Variants in HRH1 observed in about 807,000 individuals in gnomAD.
HRH1 encodes histamine H1 receptor.
Under a neutral mutation model 10.3 loss-of-function variants are expected in HRH1, and 6 were observed. The ratio of observed to expected loss-of-function variants is 0.58; its 90% CI spans 0.32 to 1.15. The LOEUF is 1.15. Among genes scored for constraint, HRH1 ranks in the 50% most tolerant of loss-of-function variants. The pLI, the probability that HRH1 is intolerant of heterozygous loss-of-function variation, is 0.05. For synonymous variants in HRH1, 242 were observed against 236.7 expected, an observed-to-expected ratio of 1.02 and a Z score of -0.21; for missense variants, 514 against 615.3, an observed-to-expected ratio of 0.84 and a Z score of 1.74.
chr3:11,144,479 A>ATACCTATAGACGTATAGACATACATC (rs747602747), intron 1 of HRH1, among the ~76,000 whole-genome samples: 1 of 143,206 alleles, frequency 7.0e-6, no homozygotes, highest in Non-Finnish European at 1.6e-5. Context: ...ATAGACATAT[A>ATACCTATAGACGTATAGACATACATC]TATACACACA....
At chr3:11,211,226 C>T (rs1938318123) in intron 1 of HRH1, among the ~76,000 whole-genome samples, 1 of 152,120 alleles carries the variant, frequency 6.6e-6, no homozygotes, top group Non-Finnish European at 1.5e-5. Context: ...GAGCAGAGAT[C>T]TCAACAAAGT....
At chr3:11,189,007 A>T (rs1937498045) in intron 1 of HRH1, among the ~76,000 whole-genome samples, 1 of 152,230 alleles carries the variant, frequency 6.6e-6, no homozygotes, top group Non-Finnish European at 1.5e-5. Flanking sequence ...AATAATGCAT[A>T]CCTAACTTTG....
At chr3:11,146,013 G>A (rs1231967617) in intron 1 of HRH1, among the ~76,000 whole-genome samples, 1 of 152,218 alleles carries the variant, frequency 6.6e-6, no homozygotes, top group Non-Finnish European at 1.5e-5. Flanking sequence ...CAACAATGCT[G>A]TTCTGATTTA....
At position 11,138,165 on chromosome 3, in the gene HRH1, G is replaced by A. The variant is rs181295169; in HGVS notation, c.-36+766G>A. On this transcript the variant is annotated intron_variant, in intron 1 of 1. Coordinates refer to the HRH1 transcript ENST00000438284. The stretch of plus-strand genomic sequence containing the variant: ...CAAGTAGCTGGGACTACAGGCGCCC[G>A]CACCACGTTTGGCTATTTTTTTTTT... Among the ~76,000 whole-genome samples the A allele has an allele frequency of 4.4e-3, 638 of 146,494 alleles. 3 individuals are homozygous for A. The highest frequency in any genetic ancestry group is 6.1e-3 in the Non-Finnish European group (409 of 67,232).
intron 1 of HRH1, among the ~76,000 whole-genome samples, chr3:11,251,647 T>A (rs1435219931): frequency 6.6e-6 from 1 of 152,192 alleles, no homozygotes; most frequent in Admixed American, 6.5e-5. Flanking sequence ...CATGGGTTTT[T>A]TTCTGCGTTT....
chr3:11,234,696 C>T (rs1939130164), intron 1 of HRH1: 1 of 1,072,902 alleles, frequency 9.3e-7, no homozygotes, highest in Non-Finnish European at 1.4e-6. Context: ...CAGCCCTGCC[C>T]TGAGACCTTG....
At chr3:11,253,888 A>G (rs1171017922) in intron 1 of HRH1, among the ~76,000 whole-genome samples, 1 of 152,182 alleles carries the variant, frequency 6.6e-6, no homozygotes, top group Non-Finnish European at 1.5e-5. Context: ...CTGCCACTCC[A>G]TAAGGGTCAT....
intron 1 of HRH1, among the ~76,000 whole-genome samples, chr3:11,236,349 A>C (rs1939180547): frequency 6.6e-6 from 1 of 152,222 alleles, no homozygotes; most frequent in African/African-American, 2.4e-5. Flanking sequence ...GAATCACTTG[A>C]ACCAAGGAGG....
intron 1 of HRH1, among the ~76,000 whole-genome samples, chr3:11,218,750 A>G (rs1017281895): frequency 6.6e-6 from 1 of 151,598 alleles, no homozygotes; most frequent in Admixed American, 6.6e-5. Flanking sequence ...AATTTTTTGT[A>G]TTTTTCATAG....
At chr3:11,249,973 A>G (rs1256344147) in intron 1 of HRH1, among the ~76,000 whole-genome samples, 1 of 152,002 alleles carries the variant, frequency 6.6e-6, no homozygotes, top group African/African-American at 2.4e-5. Context: ...AACATTAATA[A>G]TAAGATGTGG....
intron 1 of HRH1, among the ~76,000 whole-genome samples, chr3:11,251,762 A>G (rs1939659141): frequency 6.6e-6 from 1 of 152,242 alleles, no homozygotes; most frequent in African/African-American, 2.4e-5. Flanking sequence ...TTCTTGAGTC[A>G]GTAAGCAACC....
intron 1 of HRH1, among the ~76,000 whole-genome samples, chr3:11,179,353 G>A (rs1937307165): frequency 6.6e-6 from 1 of 151,952 alleles, no homozygotes; most frequent in South Asian, 2.1e-4. Flanking sequence ...GGGCGCGGTG[G>A]CTCACGCCTG....
rs1939524820 is a variant in HRH1 at position 11,247,649 on chromosome 3, C to A, written c.-35-11354C>A. On this transcript the variant is annotated intron_variant, in intron 1 of 1. Coordinates refer to ENST00000431010, the MANE Select transcript of HRH1 (RefSeq NM_001098212.2). The stretch of plus-strand genomic sequence containing the variant: ...GACAAGGAAGTATAAGGAAGTTGGT[C>A]TAAGAAACAAAGAACAGGGAACTAA... Among the ~76,000 whole-genome samples, 4 of 152,250 alleles carry A rather than the reference C, an allele frequency of 2.6e-5. No homozygotes were observed. In the South Asian group the frequency reaches 8.3e-4, roughly 32 times the overall value.
chr3:11,193,489 A>C (rs544225446), intron 1 of HRH1, among the ~76,000 whole-genome samples: 1 of 152,352 alleles, frequency 6.6e-6, no homozygotes, highest in African/African-American at 2.4e-5. Flanking sequence ...TGGGAAGTCC[A>C]AGATCAAGGC....
At position 11,189,777 on chromosome 3, in the gene HRH1, T is replaced by A. The variant is rs1375465929; in HGVS notation, c.-36+35223T>A. Among the ~76,000 whole-genome samples, 5 of 149,974 alleles carry A rather than the reference T, an allele frequency of 3.3e-5. No individual in the cohort carries two copies. In the Admixed American group the frequency reaches 3.3e-4, roughly 10 times the overall value. ...CATCTCTACTAAAAAAATAAATAAA[T>A]AAAATAAAAATAAAAATAAATAAAT... On this transcript the variant is annotated intron_variant, in intron 1 of 1. Coordinates refer to ENST00000431010, the MANE Select transcript of HRH1 (RefSeq NM_001098212.2).
chr3:11,226,731 C>CA (rs1312448666), intron 1 of HRH1, among the ~76,000 whole-genome samples: 1 of 151,412 alleles, frequency 6.6e-6, no homozygotes, highest in African/African-American at 2.4e-5. Context: ...ACTAAAAATA[C>CA]AAAAAAATAG....
intron 1 of HRH1, among the ~76,000 whole-genome samples, chr3:11,146,277 G>GT (rs1355184831): frequency 1.3e-5 from 2 of 152,044 alleles, no homozygotes; most frequent in African/African-American, 4.8e-5. Flanking sequence ...AGGTCATTGG[G>GT]GTTAATTTTC....
chr3:11,180,695 A>G (rs936842499), intron 1 of HRH1, among the ~76,000 whole-genome samples: 1 of 152,154 alleles, frequency 6.6e-6, no homozygotes, highest in Non-Finnish European at 1.5e-5. Context: ...ATACAAATGG[A>G]ATCCTACAAT....
At chr3:11,229,045 T>C (rs1427998665) in intron 1 of HRH1, among the ~76,000 whole-genome samples, 4 of 152,126 alleles carry the variant, frequency 2.6e-5, no homozygotes, top group Admixed American at 1.3e-4. Flanking sequence ...GAAGGAACAG[T>C]TAAGATGGAC....
Sources: allele counts gnomAD v4.1 joint callset (sites outside exome capture counted in the v4.1 genomes callset), GRCh38; gene constraint gnomAD v4.1.1; transcripts MANE v1.5; gene names NCBI Gene and HGNC (gene_info 2026-07-23, HGNC 2026-07-21).